The following CTNNA3 variants were observed in gnomAD, a reference collection of about 807,000 sequenced individuals.
CTNNA3 encodes catenin alpha-3.
Under a neutral mutation model 95.7 loss-of-function variants are expected in CTNNA3, and 76 were observed. The ratio of observed to expected loss-of-function variants is 0.79; its 90% CI spans 0.66 to 0.96. CTNNA3 has a LOEUF of 0.96. Among genes scored for constraint, CTNNA3 ranks in the 40% least tolerant of loss-of-function variants. The pLI, the probability that CTNNA3 is intolerant of heterozygous loss-of-function variation, is 0.00. For missense variants in CTNNA3, 1,191 were observed against 1,089.8 expected (o/e 1.09, Z -1.31); for synonymous variants, 431 against 374.4 (o/e 1.15, Z -1.74).
chr10:67,332,659 T>A (rs1009510570), intron 5 of CTNNA3, among the ~76,000 whole-genome samples: 1 of 109,574 alleles, frequency 9.1e-6, no homozygotes, highest in African/African-American at 2.6e-5. Context: ...GCTCAGTTTA[T>A]CCTGTTAGCC....
chr10:67,260,610 C>A (rs1337101533), intron 5 of CTNNA3, among the ~76,000 whole-genome samples: 1 of 152,174 alleles, frequency 6.6e-6, no homozygotes, highest in Non-Finnish European at 1.5e-5. Flanking sequence ...CCTTGAAATG[C>A]AAGCATTGCA....
At chr10:66,642,535 A>G (rs1164231834) in intron 9 of CTNNA3, among the ~76,000 whole-genome samples, 1 of 152,112 alleles carries the variant, frequency 6.6e-6, no homozygotes, top group Admixed American at 6.6e-5. Context: ...ACTGTTATTC[A>G]GTGTACTATA....
chr10:67,077,200 T>C (rs1323268658), intron 7 of CTNNA3, among the ~76,000 whole-genome samples: 1 of 152,186 alleles, frequency 6.6e-6, no homozygotes, highest in Non-Finnish European at 1.5e-5. Context: ...CCAGTAGCCT[T>C]TGAACAGCTT....
chr10:66,355,276 A>G (rs2092600186), intron 12 of CTNNA3, among the ~76,000 whole-genome samples: 1 of 152,124 alleles, frequency 6.6e-6, no homozygotes, highest in Non-Finnish European at 1.5e-5. Context: ...TATTGTAGGA[A>G]GTCACTATTT....
rs550090804 is a variant in CTNNA3, at chr10:66,161,180, T to C, written c.1885-57931A>G. ...AGCATTTAGGCCATTTACATTCAAATGTTAGTATTGAAATGTGAGGTACCT... is the reference window on the plus strand; with the variant it reads ...AGCATTTAGGCCATTTACATTCAAACGTTAGTATTGAAATGTGAGGTACCT... On this transcript the variant is annotated intron_variant, in intron 13 of 17. Transcript: ENST00000433211. Among the ~76,000 whole-genome samples the C allele has an allele frequency of 1.1e-4, 17 of 152,310 alleles. No individual in the cohort carries two copies. The South Asian group carries it at 2.7e-3, about 24-fold the overall frequency.
intron 15 of CTNNA3, among the ~76,000 whole-genome samples, chr10:66,051,450 C>T (rs185342985): frequency 6.6e-6 from 1 of 152,222 alleles, no homozygotes; most frequent in East Asian, 1.9e-4. Flanking sequence ...AAATAATTCC[C>T]CAGGTAATTT....
intron 6 of CTNNA3, among the ~76,000 whole-genome samples, chr10:67,204,750 G>A (rs1327065073): frequency 6.6e-6 from 1 of 152,070 alleles, no homozygotes; most frequent in African/African-American, 2.4e-5. Context: ...ATAGACACAA[G>A]GTCAGCTATG....
intron 13 of CTNNA3, among the ~76,000 whole-genome samples, chr10:66,160,034 C>T (rs1271465135): frequency 6.6e-6 from 1 of 151,984 alleles, no homozygotes; most frequent in Non-Finnish European, 1.5e-5. Context: ...TCTCCTCTTT[C>T]ATTTCTCAGT....
chr10:66,858,415 A>T (rs1175372101), intron 7 of CTNNA3, among the ~76,000 whole-genome samples: 1 of 152,144 alleles, frequency 6.6e-6, no homozygotes, highest in Non-Finnish European at 1.5e-5. Flanking sequence ...CTGGTCTCAT[A>T]GAATGAATTA....
intron 7 of CTNNA3, among the ~76,000 whole-genome samples, chr10:67,029,837 T>C (rs1853612050): frequency 6.6e-6 from 1 of 152,168 alleles, no homozygotes; most frequent in South Asian, 2.1e-4. Context: ...AAAGCACGGT[T>C]CCTCAATGAC....
intron 3 of CTNNA3, among the ~76,000 whole-genome samples, chr10:67,552,893 C>T (rs760854545): frequency 3.5e-4 from 53 of 152,166 alleles, no homozygotes; most frequent in Non-Finnish European, 6.9e-4. Context: ...ATATGTACCA[C>T]ATTTTCTTCA....
At chr10:66,912,427 T>A (rs924609172) in intron 7 of CTNNA3, among the ~76,000 whole-genome samples, 4 of 152,322 alleles carry the variant, frequency 2.6e-5, no homozygotes, top group South Asian at 4.1e-4. Flanking sequence ...AAAGTTTACA[T>A]AAAATTCTAT....
chr10:67,339,317 G>A (rs771278557), intron 5 of CTNNA3, among the ~76,000 whole-genome samples: 2 of 151,978 alleles, frequency 1.3e-5, no homozygotes, highest in Non-Finnish European at 2.9e-5. Context: ...CATCAAGTTT[G>A]GGCAAAGCTA....
At chr10:67,237,288 A>C (rs1865529993) in intron 5 of CTNNA3, among the ~76,000 whole-genome samples, 2 of 150,956 alleles carry the variant, frequency 1.3e-5, no homozygotes, top group Non-Finnish European at 3.0e-5. Context: ...GGAATGGAAA[A>C]CCAAACATCA....
Position 66,928,104 on chromosome 10 carries a change from C to T in CTNNA3, c.1048-152580G>A, listed in dbSNP as rs1431867362. The T allele has an allele frequency of 5.6e-6, 9 of 1,613,942 alleles. No individual in the cohort carries two copies. The Admixed American group carries it at 1.3e-4, about 24-fold the overall frequency. ...AGCATGAGAGCAAACCCCCTTTGCC[C>T]CCGACGGTGGGAGCCACAGAGCCCG... is the stretch of plus-strand genomic sequence containing the variant. On this transcript the variant is annotated intron_variant, in intron 7 of 17. Transcript: ENST00000433211.
chr10:67,147,181 A>G (rs56838907), intron 7 of CTNNA3, among the ~76,000 whole-genome samples: 2,366 of 152,308 alleles, frequency 0.016, 85 homozygotes, highest in East Asian at 0.14. Context: ...TCAAATTGCA[A>G]TTTGTAGTCT....
At chr10:66,313,946 C>A (rs2092061750) in intron 12 of CTNNA3, among the ~76,000 whole-genome samples, 1 of 152,164 alleles carries the variant, frequency 6.6e-6, no homozygotes, top group Admixed American at 6.5e-5. Context: ...CCTCAGATTT[C>A]TTTGCTCTAT....
At chr10:67,295,491 T>G (rs189860886) in intron 5 of CTNNA3, among the ~76,000 whole-genome samples, 3 of 152,300 alleles carry the variant, frequency 2.0e-5, no homozygotes, top group Admixed American at 2.0e-4. Flanking sequence ...ATATGGGAAG[T>G]TAGGTCAGAG....
At chr10:66,395,395 A>G (rs559356226) in intron 11 of CTNNA3, among the ~76,000 whole-genome samples, 2 of 152,052 alleles carry the variant, frequency 1.3e-5, no homozygotes, top group Admixed American at 6.6e-5. Context: ...AACACAAGGT[A>G]TGACTTTTTC....
Sources: gnomAD v4.1 joint callset for allele counts (sites outside exome capture counted in the v4.1 genomes callset) on GRCh38, gnomAD v4.1.1 for gene constraint, MANE v1.5 for transcripts, NCBI Gene and HGNC (gene_info 2026-07-23, HGNC 2026-07-21) for gene names.